KLK15: variants seen among roughly 807,000 people sequenced by gnomAD.
KLK15 encodes the protein kallikrein related peptidase 15, also known as kallikrein-15.
In KLK15, 19 loss-of-function variants were observed where a neutral mutation model predicts 21.1. The ratio of observed to expected loss-of-function variants is 0.90; its 90% CI spans 0.63 to 1.32. The LOEUF (loss-of-function observed/expected upper bound fraction) is 1.32. Among genes scored for constraint, KLK15 ranks in the 40% most tolerant of loss-of-function variants. The pLI is 0.00. For synonymous variants in KLK15, 141 were observed against 141.5 expected (o/e 1.00, Z 0.03); for missense variants, 345 against 348.6 (o/e 0.99, Z 0.08).
chr19:50,827,615 C>T lies in KLK15; in HGVS notation c.197+47G>A, dbSNP rs750781376. 6.3e-6 allele frequency: 10 copies of T among 1,580,522 alleles called. 1 individual carries two copies. The highest frequency in any genetic ancestry group is 1.3e-5 in the African/African-American group (1 of 74,324). On this transcript the variant is annotated intron_variant, in intron 2 of 4. Coordinates refer to ENST00000598239, the Ensembl canonical transcript of KLK15. ...TCTTCCCCCAAATCTAGGAGCTCTT[C>T]CCCCCGAACCAGGCTCCCTCAGGAC...
upstream of KLK15, among the ~76,000 whole-genome samples, chr19:50,831,815 C>CT (rs397938582): frequency 0.24 from 34,393 of 143,034 alleles, 4,374 homozygotes; most frequent in Non-Finnish European, 0.29. Context: ...CCTGTCCCAA[C>CT]TTTTTTTTTT....
exon 5 of KLK15, chr19:50,825,747 C>T: frequency 1.9e-6 from 3 of 1,580,928 alleles, no homozygotes; most frequent in Non-Finnish European, 1.7e-6. Flanking sequence ...TGCTGGCCAG[C>T]TGTGGGGGCT....
intron 4 of KLK15, 31 bp from the exon 6 acceptor site, chr19:50,825,979 G>A: frequency 6.3e-7 from 1 of 1,596,932 alleles, no homozygotes; most frequent in Non-Finnish European, 8.5e-7. Context: ...CTCAGGTTGA[G>A]TGAAACCTCC....
At chr19:50,829,081 C>T (rs1021047382) in intron 1 of KLK15, among the ~76,000 whole-genome samples, 6 of 149,148 alleles carry the variant, frequency 4.0e-5, no homozygotes, top group Admixed American at 2.0e-4. Flanking sequence ...CACACACAAA[C>T]ACACACACAG....
chr19:50,826,560 C>T (rs1400902280), intron 4 of KLK15, 61 bp downstream of exon 5: 5 of 1,505,674 alleles, frequency 3.3e-6, no homozygotes, highest in South Asian at 2.7e-5. Flanking sequence ...CAACCCCATC[C>T]GGACTCCCAC....
intron 4 of KLK15, 169 bp from the exon 6 acceptor site, chr19:50,826,117 C>A: frequency 1.6e-6 from 1 of 609,208 alleles, no homozygotes; most frequent in Non-Finnish European, 2.8e-6. Flanking sequence ...CCAACCCAAC[C>A]CCAACCCCAA....
chr19:50,832,436 C>T (rs1252010112), upstream of KLK15, among the ~76,000 whole-genome samples: 5 of 150,702 alleles, frequency 3.3e-5, no homozygotes, highest in Non-Finnish European at 7.4e-5. Context: ...GATTCTCCTG[C>T]CTCAGCCTCC....
intron 1 of KLK15, among the ~76,000 whole-genome samples, chr19:50,829,516 T>C (rs2089944991): frequency 6.6e-6 from 1 of 151,618 alleles, no homozygotes; most frequent in South Asian, 2.1e-4. Context: ...GTTGGCCAGG[T>C]GTGGTGGCTC....
chr19:50,828,794 C>G (rs1320642289), intron 1 of KLK15, among the ~76,000 whole-genome samples: 2 of 150,918 alleles, frequency 1.3e-5, no homozygotes, highest in East Asian at 1.9e-4. Context: ...ATGGGGAAAC[C>G]CTGTCTCTAA....
downstream of KLK15, chr19:50,825,461 A>C: frequency 5.4e-6 from 1 of 185,030 alleles, no homozygotes; most frequent in East Asian, 1.4e-4. Context: ...TGTTGAATGA[A>C]TGGAGCCCTG....
At chr19:50,826,623 C>G in exon 4 of KLK15, 1 of 1,597,796 alleles carries the variant, frequency 6.3e-7, no homozygotes, top group Non-Finnish European at 8.5e-7. Context: ...GCTCTGACCT[C>G]ACAGGATTCT....
At chr19:50,831,486 G>A (rs1252598749) in exon 1 of KLK15, 1 of 1,455,202 alleles carries the variant, frequency 6.9e-7, no homozygotes, top group Non-Finnish European at 9.0e-7. Flanking sequence ...GTGAGGAGAA[G>A]CCACATTGTG....
intron 2 of KLK15, 63 bp from the exon 4 acceptor site, chr19:50,827,224 G>T: frequency 6.7e-7 from 1 of 1,492,410 alleles, no homozygotes; most frequent in African/African-American, 1.4e-5. Context: ...GCAAGTAGAG[G>T]ACAGAAAGAT....
intron 3 of KLK15, 56 bp downstream of exon 4, chr19:50,826,822 G>C: frequency 6.4e-7 from 1 of 1,569,474 alleles, no homozygotes; most frequent in Non-Finnish European, 8.6e-7. Flanking sequence ...CCGCCCAAGA[G>C]CCCTGGAGCA....
At chr19:50,828,262 T>A (rs2089920454) in intron 1 of KLK15, among the ~76,000 whole-genome samples, 1 of 151,562 alleles carries the variant, frequency 6.6e-6, no homozygotes, top group Non-Finnish European at 1.5e-5. Flanking sequence ...GTTGTTTATT[T>A]ACAACCGCTG....
At chr19:50,831,266 T>C (rs968907543) in intron 1 of KLK15, 184 bp downstream of exon 2, 9 of 435,770 alleles carry the variant, frequency 2.1e-5, no homozygotes, top group Non-Finnish European at 3.2e-5. Flanking sequence ...ACATAGCGAC[T>C]CCAGAGCAGC....
At chr19:50,825,620 A>T, downstream of KLK15, 1 of 553,414 alleles carries the variant, frequency 1.8e-6, no homozygotes, top group Non-Finnish European at 3.1e-6. Flanking sequence ...TCTTGGCATT[A>T]AACAGGTGAC....
upstream of KLK15, among the ~76,000 whole-genome samples, chr19:50,831,924 G>A (rs1364490883): frequency 6.6e-6 from 1 of 151,064 alleles, no homozygotes; most frequent in African/African-American, 2.4e-5. Context: ...CCATTCTCCC[G>A]CCTCAGCCTC....
intron 1 of KLK15, among the ~76,000 whole-genome samples, chr19:50,828,320 CTG>C: frequency 6.6e-6 from 1 of 151,654 alleles, no homozygotes; most frequent in South Asian, 2.1e-4. Flanking sequence ...CTATAAGACT[CTG>C]GGAGAGAGAG....
Sources: allele counts gnomAD v4.1 joint callset (sites outside exome capture counted in the v4.1 genomes callset), GRCh38; gene constraint gnomAD v4.1.1; transcripts MANE v1.5; gene names NCBI Gene and HGNC (gene_info 2026-07-23, HGNC 2026-07-21).